BATF2: variants seen among roughly 807,000 people sequenced by gnomAD.
The protein encoded by BATF2 is basic leucine zipper transcriptional factor ATF-like 2.
In BATF2, 4 loss-of-function variants were observed where a neutral mutation model predicts 7.3. That is an observed-to-expected ratio of 0.55 (90% confidence interval 0.27 to 1.26). The LOEUF (loss-of-function observed/expected upper bound fraction) is 1.26. Among genes scored for constraint, BATF2 ranks in the 50% most tolerant of loss-of-function variants. BATF2 has a pLI of 0.11. For missense variants in BATF2, 295 were observed against 340.5 expected, an observed-to-expected ratio of 0.87 and a Z score of 1.05; for synonymous variants, 152 against 153.9, an observed-to-expected ratio of 0.99 and a Z score of 0.09.
intron 2 of BATF2, chr11:64,990,230 G>A (rs1327360813): frequency 1.3e-6 from 2 of 1,534,860 alleles, no homozygotes; most frequent in Non-Finnish European, 1.7e-6. Context: ...CTGTGTAGTG[G>A]CTGCAGCTCA....
intron 1 of BATF2, among the ~76,000 whole-genome samples, chr11:64,996,120 C>T (rs755626409): frequency 6.6e-6 from 1 of 151,786 alleles, no homozygotes; most frequent in Non-Finnish European, 1.5e-5. Context: ...TCCACCACGC[C>T]CAGCTAATTT....
chr11:64,989,046 C>G lies in BATF2; in HGVS notation c.*83G>C. Reference sequence around the variant, plus strand: ...GCTGGTCAGCCACGCAGGGCAGCACCCAGTAGTGAGGGAGGAGAGGCCCGT... The same window carrying G: ...GCTGGTCAGCCACGCAGGGCAGCACGCAGTAGTGAGGGAGGAGAGGCCCGT... On this transcript the variant is annotated 3_prime_UTR_variant, in exon 3 of 3. Coordinates refer to ENST00000301887, the MANE Select transcript of BATF2 (RefSeq NM_138456.4). The surrounding 1 kb of genome is among the most constrained non-coding windows in gnomAD (Gnocchi z 4.3). 6.7e-7 allele frequency: 1 copy of G among 1,492,220 alleles called. No homozygotes were observed. The highest frequency in any genetic ancestry group is 2.3e-5 in the East Asian group (1 of 44,252). The allele number at this position is 1,492,220 out of a possible 1,614,324, so 92.4% of individuals were successfully genotyped here.
intron 2 of BATF2, chr11:64,990,333 C>G (rs752460385): frequency 1.4e-6 from 2 of 1,468,100 alleles, no homozygotes; most frequent in Non-Finnish European, 1.8e-6. Flanking sequence ...TTTCCTGTTT[C>G]CTCTGCCTGG....
chr11:64,995,159 C>T (rs749296291), intron 1 of BATF2, among the ~76,000 whole-genome samples: 1 of 152,120 alleles, frequency 6.6e-6, no homozygotes, highest in Non-Finnish European at 1.5e-5. Context: ...CGTGCCCAGC[C>T]GAGCCCCATA....
At chr11:64,992,777 G>A (rs577501609) in intron 2 of BATF2, among the ~76,000 whole-genome samples, 43 of 151,940 alleles carry the variant, frequency 2.8e-4, no homozygotes, top group African/African-American at 1.0e-3. Flanking sequence ...GGAGAGGATC[G>A]CTTGAGCCTG....
chr11:64,990,378 A>G, intron 2 of BATF2: 1 of 1,423,836 alleles, frequency 7.0e-7, no homozygotes, highest in South Asian at 1.5e-5. Context: ...TGCAAATCCC[A>G]ACAGGGCCTT....
At chr11:64,994,685 T>G (rs1284253074) in intron 1 of BATF2, 136 bp from the exon 2 acceptor site, 2 of 766,436 alleles carry the variant, frequency 2.6e-6, no homozygotes, top group East Asian at 5.4e-5. Flanking sequence ...GAAGCTCCCT[T>G]GGCACCCACA....
chr11:64,989,614 G>T lies in BATF2; in HGVS notation c.340C>A (p.Gln114Lys). ...TCCAGCTGCTCCCGGCAGCCATGTT[G>T]TCCCTGTGGGCCAGGGCCCAGGAGC... is the stretch of plus-strand genomic sequence containing the variant. ...EGLLGPGPQG[Q>K]HGCREQLELF... Residue 114 changes from glutamine to lysine, a missense_variant, in exon 3 of 3, where the codon CAA becomes AAA. Transcript: ENST00000301887. The surrounding 1 kb of genome is among the most constrained non-coding windows in gnomAD (Gnocchi z 4.3). 6.2e-7 allele frequency: 1 copy of T among 1,609,754 alleles called. No individual in the cohort carries two copies. The highest frequency in any genetic ancestry group is 8.5e-7 in the Non-Finnish European group (1 of 1,178,352).
intron 2 of BATF2, among the ~76,000 whole-genome samples, chr11:64,994,079 T>G (rs1266296948): frequency 2.0e-5 from 3 of 152,174 alleles, no homozygotes; most frequent in African/African-American, 7.2e-5. Context: ...ATTACAGGTG[T>G]GAGCCACAGT....
At chr11:64,995,075 G>C (rs1202221719) in intron 1 of BATF2, among the ~76,000 whole-genome samples, 1 of 151,878 alleles carries the variant, frequency 6.6e-6, no homozygotes, top group African/African-American at 2.4e-5. Context: ...TCTCAAACTG[G>C]TCTTGAACTC....
In BATF2 at chr11:64,989,049, G is replaced by GT. The variant is rs1946047420; in HGVS notation, c.*79dup. 1.3e-6 allele frequency: 2 copies of GT among 1,508,528 alleles called. No individual in the cohort carries two copies. The highest frequency in any genetic ancestry group is 1.8e-6 in the Non-Finnish European group (2 of 1,085,444). The allele number at this position is 1,508,528 out of a possible 1,614,324, so 93.4% of individuals were successfully genotyped here. On this transcript the variant is annotated 3_prime_UTR_variant, in exon 3 of 3. Coordinates refer to ENST00000301887, the MANE Select transcript of BATF2 (RefSeq NM_138456.4). This position sits in a 1 kb window ranked among gnomAD's most constrained non-coding sequence, Gnocchi z 4.3. ...GGTCAGCCACGCAGGGCAGCACCCA[G>GT]TAGTGAGGGAGGAGAGGCCCGTGTG...
chr11:64,991,152 A>AC (rs1565166784), intron 2 of BATF2, among the ~76,000 whole-genome samples: 1 of 131,354 alleles, frequency 7.6e-6, no homozygotes, highest in South Asian at 2.5e-4. Flanking sequence ...TGGAATGATG[A>AC]ATTTTTTTTT....
In BATF2 at chr11:64,988,862, C is replaced by A; in HGVS notation, c.*267G>T. The A allele has an allele frequency of 2.0e-6, 1 of 492,036 alleles. No individual in the cohort carries two copies. 30.5% of individuals were successfully genotyped at this position (492,036 alleles called of 1,614,324 possible). A position where few individuals can be genotyped will look rare whatever the true frequency, so the allele number is the denominator to read the frequency against. ...TCGTGACCTTGGACTTGTCACTTGG[C>A]TTCCCTGAGCCTCAGTTTCCTTGTC... On this transcript the variant is annotated 3_prime_UTR_variant, in exon 3 of 3. Coordinates refer to ENST00000301887, the MANE Select transcript of BATF2 (RefSeq NM_138456.4).
chr11:64,989,311 T>C lies in BATF2; in HGVS notation c.643A>G (p.Thr215Ala). ...GGAGAGGACCCCAGCTTCCCTCTGG[T>C]GGGATGCTCCAGCTCGAGGGGCTGT... Reference protein sequence around the residue: ...PPQPLELEHPTRGKLGSSPDN... With the variant: ...PPQPLELEHPARGKLGSSPDN... Residue 215 changes from threonine (T) to alanine (A), a missense_variant, in exon 3 of 3, where the codon ACC becomes GCC. Physicochemically the swap from Thr to Ala is moderately conservative, Grantham distance 58. Transcript: ENST00000301887. This position sits in a 1 kb window ranked among gnomAD's most constrained non-coding sequence, Gnocchi z 4.3. The C allele has an allele frequency of 6.3e-7, 1 of 1,582,354 alleles. No individual in the cohort carries two copies. Among genetic ancestry groups the C allele is most frequent in the South Asian group, 1.2e-5 (1 of 85,650 alleles).
chr11:64,993,913 A>C (rs1032241501), intron 2 of BATF2, among the ~76,000 whole-genome samples: 55 of 151,982 alleles, frequency 3.6e-4, no homozygotes, highest in African/African-American at 1.3e-3. Flanking sequence ...CTCCTGCCTC[A>C]GTTTCCTGAG....
At chr11:64,996,689 C>A (rs1167044136) in intron 1 of BATF2, among the ~76,000 whole-genome samples, 187 bp downstream of exon 1, 1 of 152,246 alleles carries the variant, frequency 6.6e-6, no homozygotes, top group Non-Finnish European at 1.5e-5. Flanking sequence ...ACAACTCATT[C>A]CAATCCAATC....
chr11:64,993,754 C>A (rs1268251600), intron 2 of BATF2, among the ~76,000 whole-genome samples: 1 of 152,080 alleles, frequency 6.6e-6, no homozygotes, highest in Admixed American at 6.6e-5. Flanking sequence ...GGTCCCTGGG[C>A]CCACCTGGCC....
chr11:64,992,545 A>G (rs1946084823), intron 2 of BATF2, among the ~76,000 whole-genome samples: 3 of 151,698 alleles, frequency 2.0e-5, no homozygotes, highest in Admixed American at 1.3e-4. Context: ...TTCTAATCTG[A>G]TAGGATTGGT....
At chr11:64,990,234 C>T in intron 2 of BATF2, 1 of 1,534,282 alleles carries the variant, frequency 6.5e-7, no homozygotes, top group Non-Finnish European at 8.7e-7. Flanking sequence ...GTAGTGGCTG[C>T]AGCTCAGACC....
Sources: allele counts gnomAD v4.1 joint callset (sites outside exome capture counted in the v4.1 genomes callset), GRCh38; gene constraint gnomAD v4.1.1; non-coding constraint Gnocchi (gnomAD v3.1); transcripts MANE v1.5; gene names NCBI Gene and HGNC (gene_info 2026-07-23, HGNC 2026-07-21).